The following WNK1 variants were observed in gnomAD, a reference collection of about 807,000 sequenced individuals.
The protein encoded by WNK1 is WNK lysine deficient protein kinase 1.
A neutral mutation model predicts 222.8 loss-of-function variants in WNK1; 38 were observed. The ratio of observed to expected loss-of-function variants is 0.17; its 90% CI spans 0.13 to 0.22. The LOEUF is 0.22. Ranked by LOEUF, WNK1 falls within the 10% of genes least tolerant of loss-of-function variation. The probability of loss-of-function intolerance (pLI) is 1.00; values close to 1 mark genes in which losing one functional copy is unlikely to be tolerated. For synonymous variants in WNK1, 1,090 were observed against 1,092.9 expected (o/e 1.00, Z 0.05); for missense variants, 2,348 against 2,918.4 (o/e 0.80, Z 4.50).
chr12:808,459 T>G (rs1412001765), intron 1 of WNK1, among the ~76,000 whole-genome samples: 1 of 152,140 alleles, frequency 6.6e-6, no homozygotes, highest in Non-Finnish European at 1.5e-5. Context: ...TTGTTGCCTT[T>G]GTCCACATGT....
intron 1 of WNK1, among the ~76,000 whole-genome samples, chr12:792,400 C>A (rs930547675): frequency 2.3e-4 from 34 of 145,614 alleles, no homozygotes; most frequent in African/African-American, 8.3e-4. Context: ...GCAGCCTCCG[C>A]TTCCCAGCCT....
rs1347322171 is a variant in WNK1 at position 885,869 on chromosome 12, A to G, written c.5065A>G (p.Thr1689Ala). Residue 1689 changes from threonine to alanine, a missense_variant, in exon 19 of 28, where the codon ACA becomes GCA. Around this residue, in one of 13 missense-constraint regions of WNK1, gnomAD observed 1,144 missense variants for 1,273.6 expected, o/e 0.90. Transcript: ENST00000315939. ...CTCACTAGTCATAGAGAGCACTGTC[A>G]CACCAGGCATCCCAACTACTGCTGT... ...ETSLVIESTV[T>A]PGIPTTAVAP... is the part of the protein sequence containing the mutation. 3.1e-6 allele frequency: 5 copies of G among 1,613,322 alleles called. No homozygotes were observed. In the Admixed American group the frequency reaches 5.0e-5, roughly 16 times the overall value.
intron 24 of WNK1, among the ~76,000 whole-genome samples, 187 bp downstream of exon 24, chr12:896,919 C>G (rs1427528182): frequency 9.0e-6 from 1 of 110,712 alleles, no homozygotes; most frequent in Non-Finnish European, 2.0e-5. Flanking sequence ...CACACACACA[C>G]ACACACACAC....
intron 4 of WNK1, among the ~76,000 whole-genome samples, chr12:830,488 G>A (rs969840594): frequency 7.2e-5 from 11 of 152,188 alleles, no homozygotes; most frequent in African/African-American, 2.2e-4. Flanking sequence ...ATAGGTCAGA[G>A]TTAAAAGTAA....
In WNK1 at chr12:753,721, G is replaced by C. The variant is rs1301822725; in HGVS notation, c.156G>C (p.Glu52Asp). Residue 52 changes from glutamate to aspartate, a missense_variant, in exon 1 of 28, where the codon GAG (glutamate) becomes GAC (aspartate). Transcript: ENST00000315939. The surrounding 1 kb of genome is among the most constrained non-coding windows in gnomAD (Gnocchi z 5.2). Reference sequence around the variant, plus strand: ...CCGACGCTGTGACCGGCAGGACCGAGGAGTACAGGCGCCGCCGCCACACTA... The same window carrying C: ...CCGACGCTGTGACCGGCAGGACCGACGAGTACAGGCGCCGCCGCCACACTA... ...AAADAVTGRT[E>D]EYRRRRHTMD... 6.2e-7 allele frequency: 1 copy of C among 1,612,030 alleles called. No individual in the cohort carries two copies. The highest frequency in any genetic ancestry group is 2.2e-5 in the East Asian group (1 of 44,884).
At chr12:844,016 T>C (rs1391412433) in intron 4 of WNK1, among the ~76,000 whole-genome samples, 1 of 152,144 alleles carries the variant, frequency 6.6e-6, no homozygotes, top group Non-Finnish European at 1.5e-5. Context: ...ATGTAAACTT[T>C]TAAGTAGCAT....
chr12:894,675 G>A (rs769433313), intron 23 of WNK1, 40 bp downstream of exon 23: 1 of 1,577,648 alleles, frequency 6.3e-7, no homozygotes, highest in South Asian at 1.1e-5. Context: ...TCCTTCCTTT[G>A]GAGGAGTTGT....
At chr12:904,373 G>A (rs976720737) in intron 26 of WNK1, 21 of 1,153,936 alleles carry the variant, frequency 1.8e-5, no homozygotes, top group Non-Finnish European at 2.3e-5. Flanking sequence ...CTGGGCGTTT[G>A]TGTGCTGTTT....
At chr12:890,574 G>A in intron 22 of WNK1, 61 bp downstream of exon 22, 1 of 1,583,704 alleles carries the variant, frequency 6.3e-7, no homozygotes, top group Non-Finnish European at 8.7e-7. Flanking sequence ...AGTTGATTCA[G>A]GAGGTTTACC....
intron 24 of WNK1, among the ~76,000 whole-genome samples, chr12:897,034 A>G (rs556341525): frequency 8.6e-5 from 13 of 151,718 alleles, no homozygotes; most frequent in African/African-American, 1.5e-4. Context: ...CATTGTTACT[A>G]TATTATTACT....
At chr12:855,323 G>T (rs1411542988) in intron 4 of WNK1, among the ~76,000 whole-genome samples, 1 of 152,176 alleles carries the variant, frequency 6.6e-6, no homozygotes, top group African/African-American at 2.4e-5. Context: ...TAACTTTAGG[G>T]TCAGCCCTGC....
chr12:759,487 C>T lies in WNK1; in HGVS notation c.759+5163C>T, dbSNP rs959705817. On this transcript the variant is annotated intron_variant, in intron 1 of 27. Transcript: ENST00000315939. ...CTGGGATTACAGGCGAGCGCCACCA[C>T]GCCCGGCTAATTTTTGTATTTTTAG... 7.5e-5 allele frequency among the ~76,000 whole-genome samples: 11 copies of T among 146,868 alleles called. 2 individuals are homozygous for T. The highest frequency in any genetic ancestry group is 1.1e-4 in the Non-Finnish European group (7 of 65,784).
intron 4 of WNK1, among the ~76,000 whole-genome samples, chr12:853,577 C>G (rs1950555039): frequency 6.6e-6 from 1 of 152,220 alleles, no homozygotes; most frequent in Non-Finnish European, 1.5e-5. Context: ...AGAACTACTT[C>G]TACTTGTCCA....
chr12:769,087 C>T (rs1157547358), intron 1 of WNK1, among the ~76,000 whole-genome samples: 3 of 152,002 alleles, frequency 2.0e-5, no homozygotes, highest in African/African-American at 4.8e-5. Flanking sequence ...GGATTGTAGG[C>T]GTGAGCCACT....
Position 911,195 on chromosome 12 carries a change from T to A in WNK1, c.*2403T>A. 2.5e-6 allele frequency: 1 copy of A among 398,106 alleles called. No homozygotes were observed. Among genetic ancestry groups the A allele is most frequent in the Non-Finnish European group, 4.4e-6 (1 of 225,900 alleles). 24.7% of individuals were successfully genotyped at this position (398,106 alleles called of 1,614,324 possible). A position where few individuals can be genotyped will look rare whatever the true frequency, so the allele number is the denominator to read the frequency against. On this transcript the variant is annotated 3_prime_UTR_variant, in exon 28 of 28. Transcript: ENST00000315939. ...GTTTAAATTATTTTTGTGTTAATAGTACACTTTGAGTATCTTTTTCCACAT... is the reference window on the plus strand; with the variant it reads ...GTTTAAATTATTTTTGTGTTAATAGAACACTTTGAGTATCTTTTTCCACAT...
At chr12:797,434 A>T (rs1292609569) in intron 1 of WNK1, among the ~76,000 whole-genome samples, 2 of 152,242 alleles carry the variant, frequency 1.3e-5, no homozygotes, top group African/African-American at 4.8e-5. Flanking sequence ...TTTAAGTTTT[A>T]TAAAAAGGTA....
At chr12:774,484 A>G (rs1942886937) in intron 1 of WNK1, among the ~76,000 whole-genome samples, 3 of 152,224 alleles carry the variant, frequency 2.0e-5, no homozygotes, top group Admixed American at 6.5e-5. Context: ...CTAGAGGCCC[A>G]CAAGGGCTTG....
Position 881,751 on chromosome 12 carries a change from A to C in WNK1, c.3171A>C (p.Gln1057His), listed in dbSNP as rs765102074. The C allele has an allele frequency of 1.2e-6, 2 of 1,614,220 alleles. No individual in the cohort carries two copies. The highest frequency in any genetic ancestry group is 2.2e-5 in the South Asian group (2 of 91,084). The change falls in exon 13 of 28, where the codon CAA (glutamine) becomes CAC (histidine). Residue 1057 changes from glutamine to histidine, a missense_variant. Transcript: ENST00000315939. ...PAEPVAVAQT[Q>H]ATQPTTLASS... ...AGCCAGTTGCAGTAGCACAGACCCA[A>C]GCTACCCAGCCGACCACTTTGGCTT...
At chr12:807,966 G>C (rs922700496) in intron 1 of WNK1, among the ~76,000 whole-genome samples, 4 of 151,882 alleles carry the variant, frequency 2.6e-5, no homozygotes, top group Non-Finnish European at 5.9e-5. Flanking sequence ...TGATCCGCCC[G>C]CCTCGGCCTC....
Sources: allele counts gnomAD v4.1 joint callset (sites outside exome capture counted in the v4.1 genomes callset), GRCh38; gene constraint gnomAD v4.1.1; regional missense constraint gnomAD v4.1.1; non-coding constraint Gnocchi (gnomAD v3.1); transcripts MANE v1.5; gene names NCBI Gene and HGNC (gene_info 2026-07-23, HGNC 2026-07-21).